Variants in FGGY observed in about 807,000 individuals in gnomAD.
FGGY encodes FGGY carbohydrate kinase domain containing.
FGGY carries 72 observed loss-of-function variants against 71.3 expected under a neutral mutation model. That is an observed-to-expected ratio of 1.01 (90% CI 0.84 to 1.23). FGGY has a LOEUF of 1.23. Ranked by LOEUF, FGGY falls within the 50% of genes most tolerant of loss-of-function variation. FGGY has a pLI of 0.00. For synonymous variants in FGGY, 251 were observed against 250.3 expected, an observed-to-expected ratio of 1.00 and a Z score of -0.02; for missense variants, 668 against 682.3, an observed-to-expected ratio of 0.98 and a Z score of 0.23.
At chr1:59,530,482 A>C (rs2095112272) in intron 7 of FGGY, among the ~76,000 whole-genome samples, 1 of 152,188 alleles carries the variant, frequency 6.6e-6, no homozygotes. Context: ...CAAGTAAGCC[A>C]TCCGAGTATG....
chr1:59,571,668 T>G (rs2095987601), intron 8 of FGGY, among the ~76,000 whole-genome samples: 1 of 152,140 alleles, frequency 6.6e-6, no homozygotes, highest in Non-Finnish European at 1.5e-5. Context: ...ATAGCATTAT[T>G]TTTTATAATA....
intron 8 of FGGY, among the ~76,000 whole-genome samples, chr1:59,587,806 T>G (rs1384320057): frequency 6.6e-6 from 1 of 152,044 alleles, no homozygotes; most frequent in African/African-American, 2.4e-5. Context: ...TACGTCGCCA[T>G]CATCAAAGAC....
intron 4 of FGGY, among the ~76,000 whole-genome samples, chr1:59,364,338 C>T (rs981429708): frequency 6.6e-6 from 1 of 152,240 alleles, no homozygotes; most frequent in South Asian, 2.1e-4. Flanking sequence ...AATTTATCTT[C>T]CTGGCAGTCT....
intron 14 of FGGY, among the ~76,000 whole-genome samples, chr1:59,692,527 T>C (rs2097599761): frequency 6.6e-6 from 1 of 151,836 alleles, no homozygotes; most frequent in Non-Finnish European, 1.5e-5. Context: ...GAAAAAAAAT[T>C]CTCATTAACT....
chr1:59,758,046 A>G, intron 15 of FGGY, 54 bp downstream of exon 15: 3 of 1,197,458 alleles, frequency 2.5e-6, no homozygotes, highest in Non-Finnish European at 3.7e-6. Context: ...ACATACACAC[A>G]CACATGCAAC....
chr1:59,315,244 TC>T (rs1471155086), intron 1 of FGGY, among the ~76,000 whole-genome samples: 3 of 151,916 alleles, frequency 2.0e-5, no homozygotes, highest in African/African-American at 7.2e-5. Flanking sequence ...TTAGTGGATG[TC>T]ATTTGTTAGC....
intron 7 of FGGY, among the ~76,000 whole-genome samples, chr1:59,532,942 A>G (rs1287299921): frequency 6.6e-6 from 1 of 151,934 alleles, no homozygotes; most frequent in African/African-American, 2.4e-5. Context: ...TCAATACAAA[A>G]CTCTATTTTA....
At chr1:59,537,568 G>T (rs986408766) in intron 7 of FGGY, among the ~76,000 whole-genome samples, 1 of 152,130 alleles carries the variant, frequency 6.6e-6, no homozygotes, top group African/African-American at 2.4e-5. Flanking sequence ...AACAAAGCTG[G>T]AGGCATCACG....
rs544538377 is a variant in FGGY, at chr1:59,682,984, C to T, written c.1512+8851C>T. On this transcript the variant is annotated intron_variant, in intron 14 of 15. Coordinates refer to ENST00000303721, the MANE Select transcript of FGGY (RefSeq NM_018291.5). ...CGGTGTGCTGGCTTACATCCTGGGG[C>T]CAACTCCTTTCACCACAGATGGGCC... Among the ~76,000 whole-genome samples, 15 of 152,228 alleles carry T rather than the reference C, an allele frequency of 9.9e-5. No individual in the cohort carries two copies. In the East Asian group the frequency reaches 2.9e-3, roughly 29 times the overall value.
At chr1:59,437,248 C>T (rs1006792603) in intron 5 of FGGY, among the ~76,000 whole-genome samples, 1 of 152,130 alleles carries the variant, frequency 6.6e-6, no homozygotes, top group Non-Finnish European at 1.5e-5. Flanking sequence ...GGGTGTTCTG[C>T]TAGATTGGTG....
At chr1:59,572,624 A>G (rs2096006391) in intron 8 of FGGY, among the ~76,000 whole-genome samples, 2 of 152,182 alleles carry the variant, frequency 1.3e-5, no homozygotes, top group Non-Finnish European at 2.9e-5. Flanking sequence ...TGTGTGAGAG[A>G]TGATATCATA....
intron 8 of FGGY, among the ~76,000 whole-genome samples, chr1:59,603,254 G>A (rs939503357): frequency 1.3e-5 from 2 of 152,148 alleles, no homozygotes; most frequent in African/African-American, 4.8e-5. Flanking sequence ...TTTGAATCTT[G>A]ATTTGAACAT....
intron 5 of FGGY, among the ~76,000 whole-genome samples, chr1:59,427,412 A>G (rs1489165295): frequency 6.6e-6 from 1 of 152,134 alleles, no homozygotes; most frequent in Admixed American, 6.5e-5. Flanking sequence ...TCATGACCGA[A>G]TGAGACACGA....
chr1:59,704,168 G>A (rs750536154), intron 14 of FGGY, among the ~76,000 whole-genome samples: 5 of 152,082 alleles, frequency 3.3e-5, no homozygotes, highest in East Asian at 1.9e-4. Flanking sequence ...AGAGAAAGGC[G>A]GATTCCAGCT....
intron 6 of FGGY, among the ~76,000 whole-genome samples, chr1:59,501,783 T>G (rs943868161): frequency 3.3e-5 from 5 of 152,214 alleles, no homozygotes; most frequent in African/African-American, 1.2e-4. Flanking sequence ...TGTGAATTTT[T>G]TAACAGCTTT....
At chr1:59,589,772 G>A (rs1415487677) in intron 8 of FGGY, among the ~76,000 whole-genome samples, 1 of 151,916 alleles carries the variant, frequency 6.6e-6, no homozygotes, top group Non-Finnish European at 1.5e-5. Flanking sequence ...AGAATCTCTG[G>A]GACATATTCA....
intron 11 of FGGY, among the ~76,000 whole-genome samples, chr1:59,656,442 G>A (rs184869944): frequency 5.3e-5 from 8 of 152,282 alleles, no homozygotes; most frequent in African/African-American, 1.9e-4. Flanking sequence ...AGCCTCTCAA[G>A]CAGTCTTCAT....
chr1:59,360,906 G>A (rs2055378424), intron 4 of FGGY, among the ~76,000 whole-genome samples: 1 of 152,170 alleles, frequency 6.6e-6, no homozygotes. Flanking sequence ...CAGCTACTGA[G>A]TGGGTAGAGC....
At chr1:59,454,258 A>G (rs1264155794) in intron 5 of FGGY, among the ~76,000 whole-genome samples, 1 of 152,156 alleles carries the variant, frequency 6.6e-6, no homozygotes, top group Non-Finnish European at 1.5e-5. Flanking sequence ...ATTGGAAACA[A>G]TCCTTCTATA....
Sources: gnomAD v4.1 joint callset for allele counts (sites outside exome capture counted in the v4.1 genomes callset) on GRCh38, gnomAD v4.1.1 for gene constraint, MANE v1.5 for transcripts, NCBI Gene and HGNC (gene_info 2026-07-23, HGNC 2026-07-21) for gene names.